PAK3: variants seen among roughly 807,000 people sequenced by gnomAD.
PAK3 encodes the protein serine/threonine-protein kinase PAK 3.
A neutral mutation model predicts 41.0 loss-of-function variants in PAK3; 4 were observed. The observed-to-expected ratio is 0.10, with a 90% CI of 0.05 to 0.22. The LOEUF is 0.22. Ranked by LOEUF, PAK3 falls within the 10% of genes least tolerant of loss-of-function variation. The pLI is 1.00. For synonymous variants in PAK3, 146 were observed against 139.6 expected (o/e 1.05, Z -0.32); for missense variants, 205 against 409.9 (o/e 0.50, Z 4.32).
intron 6 of PAK3, among the ~76,000 whole-genome samples, chrX:111,146,077 T>C (rs781056372): frequency 8.9e-6 from 1 of 111,975 alleles, no homozygotes; most frequent in South Asian, 3.8e-4. Flanking sequence ...TAACCAGAAT[T>C]GGGAACTGAA....
intron 1 of PAK3, among the ~76,000 whole-genome samples, chrX:111,006,776 G>A (rs763713012): frequency 7.4e-5 from 8 of 108,536 alleles, no homozygotes; most frequent in Non-Finnish European, 1.2e-4. Context: ...TTTCTGATTC[G>A]GAAAGTCTGT....
intron 1 of PAK3, among the ~76,000 whole-genome samples, chrX:110,986,290 C>T (rs1421594842): frequency 9.0e-6 from 1 of 111,690 alleles, no homozygotes; most frequent in African/African-American, 3.3e-5. Context: ...GGGCTGAAAC[C>T]TTAGCTATTA....
chrX:111,031,919 C>T (rs990973171), intron 1 of PAK3, among the ~76,000 whole-genome samples: 3 of 112,211 alleles, frequency 2.7e-5, no homozygotes, highest in Admixed American at 9.4e-5. Context: ...TGTAACATTA[C>T]GGCTGTGGCT....
chrX:111,101,006 C>T (rs1407474623), intron 3 of PAK3, among the ~76,000 whole-genome samples: 1 of 112,137 alleles, frequency 8.9e-6, no homozygotes, highest in Non-Finnish European at 1.9e-5. Context: ...ACGAATTAGA[C>T]ACATTGCACA....
chrX:110,993,642 G>C (rs2091689207), intron 1 of PAK3, among the ~76,000 whole-genome samples: 1 of 111,931 alleles, frequency 8.9e-6, no homozygotes, highest in Admixed American at 9.5e-5. Context: ...AGAAAATTCT[G>C]AGACAAATTC....
chrX:111,022,321 G>A (rs374957372), intron 1 of PAK3, among the ~76,000 whole-genome samples: 34 of 112,049 alleles, frequency 3.0e-4, no homozygotes, highest in African/African-American at 1.1e-3. Flanking sequence ...CAGATTAACA[G>A]CAGATTTCTC....
intron 1 of PAK3, among the ~76,000 whole-genome samples, chrX:110,985,647 T>G (rs912937058): frequency 8.9e-6 from 1 of 112,009 alleles, no homozygotes; most frequent in Non-Finnish European, 1.9e-5. Flanking sequence ...GCAAGACCAG[T>G]TTGGTCAGGA....
chrX:111,194,426 A>G lies in PAK3; in HGVS notation c.1110+8A>G. On this transcript the variant is annotated splice_region_variant and intron_variant, in intron 14 of 17. Coordinates refer to ENST00000372007, the MANE Select transcript of PAK3 (RefSeq NM_002578.5). ...GCAGCTGTCTGCAGAGAGGTAAGCA[A>G]ATAGAGCATTTCTAGCTGAGAAGAC... 1 of 928,377 alleles carries G rather than the reference A, an allele frequency of 1.1e-6. No homozygotes were observed. Among genetic ancestry groups the G allele is most frequent in the Non-Finnish European group, 1.6e-6 (1 of 636,677 alleles). The allele number at this position is 928,377 out of a possible 1,213,427, so 76.5% of individuals were successfully genotyped here. A position where few individuals can be genotyped will look rare whatever the true frequency, so the allele number is the denominator to read the frequency against.
At chrX:111,209,205 C>T (rs181710565) in intron 16 of PAK3, among the ~76,000 whole-genome samples, 18 of 111,208 alleles carry the variant, frequency 1.6e-4, no homozygotes, top group Admixed American at 2.9e-4. Flanking sequence ...AACAGTGAGA[C>T]GTGGTATTGT....
intron 1 of PAK3, among the ~76,000 whole-genome samples, chrX:111,019,170 G>A (rs747012266): frequency 2.7e-5 from 3 of 111,198 alleles, no homozygotes; most frequent in Admixed American, 9.6e-5. Context: ...GAAAATCTTC[G>A]TGACATTGGA....
intron 1 of PAK3, among the ~76,000 whole-genome samples, chrX:111,003,242 A>G (rs1340731080): frequency 8.9e-6 from 1 of 111,958 alleles, no homozygotes; most frequent in Non-Finnish European, 1.9e-5. Flanking sequence ...ACAGATAGAT[A>G]CACAGAGACT....
chrX:110,978,522 C>T (rs1301903504), intron 1 of PAK3, among the ~76,000 whole-genome samples: 1 of 111,140 alleles, frequency 9.0e-6, no homozygotes, highest in East Asian at 2.8e-4. Flanking sequence ...ACTTTGCATC[C>T]ATGGAATAAA....
chrX:111,070,899 C>T (rs1422793777), intron 1 of PAK3, among the ~76,000 whole-genome samples: 1 of 111,938 alleles, frequency 8.9e-6, no homozygotes, highest in Non-Finnish European at 1.9e-5. Flanking sequence ...TTGTTACATG[C>T]TGTGCCCCTG....
intron 10 of PAK3, among the ~76,000 whole-genome samples, chrX:111,171,090 A>G (rs1461913385): frequency 1.8e-5 from 2 of 111,239 alleles, no homozygotes; most frequent in African/African-American, 6.5e-5. Flanking sequence ...GAGGAACTAG[A>G]GAAAGCAGAG....
chrX:111,142,312 C>T (rs2093883443), intron 6 of PAK3, 116 bp downstream of exon 6: 4 of 557,629 alleles, frequency 7.2e-6, no homozygotes, highest in East Asian at 6.6e-5. Flanking sequence ...TTGATGGTTC[C>T]AAATAAGATG....
chrX:111,218,327 T>A (rs753504125), intron 17 of PAK3, among the ~76,000 whole-genome samples: 105 of 112,446 alleles, frequency 9.3e-4, no homozygotes, highest in Non-Finnish European at 1.6e-3. Flanking sequence ...GATTCCTCCA[T>A]TTAAGAAGTT....
At chrX:111,217,513 A>G in intron 17 of PAK3, 1 of 970,788 alleles carries the variant, frequency 1.0e-6, no homozygotes, top group South Asian at 2.0e-5. Context: ...TACTCCCTGA[A>G]AGAAAAACCT....
At chrX:111,127,249 T>C (rs774699022) in intron 5 of PAK3, among the ~76,000 whole-genome samples, 2 of 111,988 alleles carry the variant, frequency 1.8e-5, no homozygotes, top group South Asian at 7.4e-4. Context: ...TTAACCATTT[T>C]CTTTTGTTGG....
At chrX:111,008,235 T>C (rs2091961963) in intron 1 of PAK3, among the ~76,000 whole-genome samples, 1 of 112,573 alleles carries the variant, frequency 8.9e-6, no homozygotes, top group Non-Finnish European at 1.9e-5. Context: ...TCCGTTACTC[T>C]TAAGTGACAC....
Sources: gnomAD v4.1 joint callset for allele counts (sites outside exome capture counted in the v4.1 genomes callset) on GRCh38, gnomAD v4.1.1 for gene constraint, MANE v1.5 for transcripts, NCBI Gene and HGNC (gene_info 2026-07-23, HGNC 2026-07-21) for gene names.